Variants in VIT observed in about 807,000 individuals in gnomAD.
VIT encodes the protein vitrin.
A neutral mutation model predicts 78.0 loss-of-function variants in VIT; 99 were observed. The observed-to-expected ratio is 1.27, with a 90% confidence interval of 1.08 to 1.50. VIT has a LOEUF of 1.50. Among genes scored for constraint, VIT ranks in the 40% most tolerant of loss-of-function variants. The pLI is 0.00. For missense variants in VIT, 1,126 were observed against 875.3 expected (o/e 1.29, Z -3.61); for synonymous variants, 374 against 334.3 (o/e 1.12, Z -1.29).
intron 1 of VIT, among the ~76,000 whole-genome samples, chr2:36,700,615 G>A (rs550338528): frequency 5.3e-5 from 8 of 151,966 alleles, no homozygotes; most frequent in Admixed American, 2.0e-4. Context: ...GGCTGTGCTC[G>A]CCTGTAGTAC....
At chr2:36,729,776 G>A (rs538894698) in intron 3 of VIT, among the ~76,000 whole-genome samples, 2 of 152,232 alleles carry the variant, frequency 1.3e-5, no homozygotes, top group East Asian at 3.9e-4. Context: ...ATGGCTAAGC[G>A]GAAAAAGCTT....
chr2:36,784,192 C>A (rs1008462770), intron 11 of VIT, among the ~76,000 whole-genome samples: 2 of 152,188 alleles, frequency 1.3e-5, no homozygotes, highest in African/African-American at 2.4e-5. Context: ...TAGTAGTAGC[C>A]TGCAAGGTAT....
chr2:36,801,396 C>G lies in VIT; in HGVS notation c.1154C>G (p.Ser385Cys). The G allele has an allele frequency of 6.2e-7, 1 of 1,610,060 alleles. No homozygotes were observed. Among genetic ancestry groups the G allele is most frequent in the Non-Finnish European group, 8.5e-7 (1 of 1,176,636 alleles). The change falls in exon 13 of 16, where the codon TCT becomes TGT. Residue 385 changes from serine to cysteine, a missense_variant. Transcript: ENST00000379242. ...AAAATTACTCAGAGAGGAGGACTTT[C>G]TAATGTAGGTATGTGATCCGGATTC... is the stretch of plus-strand genomic sequence containing the variant. ...IEKITQRGGL[S>C]NVGRAISFVT...
intron 13 of VIT, among the ~76,000 whole-genome samples, chr2:36,804,863 G>C (rs2148672567): frequency 6.6e-6 from 1 of 152,100 alleles, no homozygotes; most frequent in African/African-American, 2.4e-5. Context: ...TCACCTGCTT[G>C]CTGTCCCTAA....
chr2:36,750,797 G>A (rs1668413572), intron 4 of VIT, among the ~76,000 whole-genome samples: 2 of 151,468 alleles, frequency 1.3e-5, no homozygotes, highest in Admixed American at 1.3e-4. Context: ...CTCCAGCCTG[G>A]GTGACAGAAC....
chr2:36,760,531 A>C (rs1011116170), intron 6 of VIT, among the ~76,000 whole-genome samples: 1 of 152,016 alleles, frequency 6.6e-6, no homozygotes, highest in Non-Finnish European at 1.5e-5. Flanking sequence ...CTCGTGGGCC[A>C]TTTCTGAGAT....
intron 1 of VIT, among the ~76,000 whole-genome samples, chr2:36,710,400 A>AAT (rs2148432966): frequency 6.6e-6 from 1 of 152,222 alleles, no homozygotes; most frequent in East Asian, 1.9e-4. Context: ...AGGCATGAAG[A>AAT]ATATATATAT....
At chr2:36,711,747 A>G (rs1665813812) in intron 1 of VIT, among the ~76,000 whole-genome samples, 1 of 152,234 alleles carries the variant, frequency 6.6e-6, no homozygotes, top group South Asian at 2.1e-4. Context: ...GTGAAAAACT[A>G]TATAAATATA....
intron 12 of VIT, among the ~76,000 whole-genome samples, chr2:36,796,102 T>G: frequency 9.0e-6 from 1 of 111,612 alleles, no homozygotes; most frequent in Non-Finnish European, 1.8e-5. Context: ...CATGAGATCA[T>G]GACTGATTAA....
At chr2:36,804,602 C>A (rs189427400) in intron 13 of VIT, among the ~76,000 whole-genome samples, 1 of 152,114 alleles carries the variant, frequency 6.6e-6, no homozygotes, top group African/African-American at 2.4e-5. Context: ...GAGGCCGAGG[C>A]AGGCAGATCA....
intron 7 of VIT, among the ~76,000 whole-genome samples, chr2:36,771,949 T>C (rs1219230197): frequency 6.6e-6 from 1 of 152,188 alleles, no homozygotes; most frequent in Non-Finnish European, 1.5e-5. Context: ...GTGTTGTACA[T>C]GAGAGCATGT....
intron 15 of VIT, among the ~76,000 whole-genome samples, chr2:36,809,974 G>A (rs577468146): frequency 6.1e-5 from 7 of 115,644 alleles, no homozygotes; most frequent in African/African-American, 3.6e-5. Context: ...CTGGGCAACA[G>A]AGCAAGATCC....
chr2:36,787,035 C>T (rs1422192279), intron 11 of VIT, 94 bp from the exon 12 acceptor site: 3 of 1,483,864 alleles, frequency 2.0e-6, no homozygotes, highest in African/African-American at 1.4e-5. Flanking sequence ...TTTCATTTCT[C>T]AGGGGGCTCT....
At chr2:36,771,346 T>G (rs1377774255) in intron 7 of VIT, among the ~76,000 whole-genome samples, 1 of 151,928 alleles carries the variant, frequency 6.6e-6, no homozygotes, top group Non-Finnish European at 1.5e-5. Flanking sequence ...GCCAAGATGG[T>G]GAAACCCCAT....
At chr2:36,701,161 A>G (rs1489315967) in intron 1 of VIT, among the ~76,000 whole-genome samples, 3 of 151,856 alleles carry the variant, frequency 2.0e-5, no homozygotes, top group Non-Finnish European at 4.4e-5. Context: ...AACAGTGGAG[A>G]GGCGTGGAGG....
chr2:36,813,914 A>G (rs543387682), intron 15 of VIT, among the ~76,000 whole-genome samples: 3 of 152,352 alleles, frequency 2.0e-5, no homozygotes, highest in Admixed American at 6.5e-5. Flanking sequence ...CTAAAATACT[A>G]TAAACTCCTG....
At chr2:36,698,451 G>T (rs1015015268) in intron 1 of VIT, among the ~76,000 whole-genome samples, 2 of 152,160 alleles carry the variant, frequency 1.3e-5, no homozygotes, top group African/African-American at 4.8e-5. Flanking sequence ...CATGCGCCAA[G>T]CCAGGAGTCC....
chr2:36,753,214 G>A (rs1668569872), intron 4 of VIT, among the ~76,000 whole-genome samples: 1 of 152,154 alleles, frequency 6.6e-6, no homozygotes, highest in South Asian at 2.1e-4. Flanking sequence ...TCAGAGTTGG[G>A]GGGTGGGGGA....
chr2:36,767,351 G>A, intron 7 of VIT, 66 bp downstream of exon 7: 1 of 1,406,268 alleles, frequency 7.1e-7, no homozygotes. Context: ...TAGAGTAACA[G>A]CTCTGTCTGA....
Sources: gnomAD v4.1 joint callset for allele counts (sites outside exome capture counted in the v4.1 genomes callset) on GRCh38, gnomAD v4.1.1 for gene constraint, MANE v1.5 for transcripts, NCBI Gene and HGNC (gene_info 2026-07-23, HGNC 2026-07-21) for gene names.